The following DPP9 variants were observed in gnomAD, a reference collection of about 807,000 sequenced individuals.
DPP9 encodes the protein dipeptidyl peptidase 9, also known as dipeptidyl peptidase IV-related protein-2.
A neutral mutation model predicts 110.7 loss-of-function variants in DPP9; 50 were observed. The observed-to-expected ratio is 0.45, with a 90% CI of 0.36 to 0.57. The LOEUF is 0.57. Among genes scored for constraint, DPP9 ranks in the 20% least tolerant of loss-of-function variants. DPP9 has a pLI of 0.00. For missense variants in DPP9, 1,022 were observed against 1,217.9 expected (o/e 0.84, Z 2.39); for synonymous variants, 561 against 514.4 (o/e 1.09, Z -1.23).
rs773191891 is a variant in DPP9 at position 4,694,635 on chromosome 19, G to A, written c.1516+26C>T. ...CCACACGTGACTAACGCGATGAGTC[G>A]ACAGCATTCGTCAGGCTCTGCTCAC... On this transcript the variant is annotated intron_variant, in intron 13 of 21. Coordinates refer to ENST00000262960, the MANE Select transcript of DPP9 (RefSeq NM_139159.5). The surrounding 1 kb of genome is among the most constrained non-coding windows in gnomAD (Gnocchi z 4.0). The A allele has an allele frequency of 1.6e-5, 26 of 1,602,450 alleles. No homozygotes were observed. The African/African-American group carries it at 2.0e-4, about 12-fold the overall frequency.
In DPP9 at chr19:4,684,851, G is replaced by A; in HGVS notation, c.2032-42C>T. On this transcript the variant is annotated intron_variant, in intron 17 of 21. Coordinates refer to ENST00000262960, the MANE Select transcript of DPP9 (RefSeq NM_139159.5). This position sits in a 1 kb window ranked among gnomAD's most constrained non-coding sequence, Gnocchi z 4.8. The stretch of plus-strand genomic sequence containing the variant: ...GCCAGCAGTCCAGCACGAGATGCCG[G>A]GCAGGACGGGCCTGGCAGGGGAGAT... 1.9e-6 allele frequency: 3 copies of A among 1,565,172 alleles called. No individual in the cohort carries two copies. The highest frequency in any genetic ancestry group is 1.7e-6 in the Non-Finnish European group (2 of 1,155,686).
In DPP9 at chr19:4,694,095, A is replaced by T. The variant is rs2091573112; in HGVS notation, c.1516+566T>A. ...CATCACACCAGAGGCAGCACCTCTA[A>T]CTGTTTCTGGAATACTGCCTCCTCC... On this transcript the variant is annotated intron_variant, in intron 13 of 21. Transcript: ENST00000262960. This position sits in a 1 kb window ranked among gnomAD's most constrained non-coding sequence, Gnocchi z 4.0. Among the ~76,000 whole-genome samples the T allele has an allele frequency of 6.6e-6, 1 of 150,998 alleles. No individual in the cohort carries two copies. Among genetic ancestry groups the T allele is most frequent in the Non-Finnish European group, 1.5e-5 (1 of 67,270 alleles).
chr19:4,695,483 G>T lies in DPP9; in HGVS notation c.1248C>A (p.Ile416=). 6.3e-7 allele frequency: 1 copy of T among 1,575,320 alleles called. No individual in the cohort carries two copies. The change falls in exon 12 of 22, where the codon ATC becomes ATA. Residue 416 remains isoleucine, a synonymous_variant. Coordinates refer to ENST00000262960, the MANE Select transcript of DPP9 (RefSeq NM_139159.5). The surrounding 1 kb of genome is among the most constrained non-coding windows in gnomAD (Gnocchi z 4.7). Reference sequence around the variant, plus strand: ...GCTGCTCCTCATTCTCTGTGCTCGGGATGAACAGGGCCGGGGGGAGGAGGA... The same window carrying T: ...GCTGCTCCTCATTCTCTGTGCTCGGTATGAACAGGGCCGGGGGGAGGAGGA... The part of the protein sequence containing the change: ...QLVLLPPALF[I]PSTENEEQRL...
chr19:4,679,801 C>T, intron 21 of DPP9, 34 bp downstream of exon 21: 1 of 1,502,614 alleles, frequency 6.7e-7, no homozygotes. Context: ...TCTGTCGGCT[C>T]GCGGAGGGGC....
rs1282995290 is a variant in DPP9, at chr19:4,695,335, C to G, written c.1353+43G>C. On this transcript the variant is annotated intron_variant, in intron 12 of 21. Coordinates refer to ENST00000262960, the MANE Select transcript of DPP9 (RefSeq NM_139159.5). This position sits in a 1 kb window ranked among gnomAD's most constrained non-coding sequence, Gnocchi z 4.7. ...ACGTGGGGGTGGGGACAGTGTGACTCCAGGGCCCAGGCGGGCATACAGCCA... is the reference window on the plus strand; with the variant it reads ...ACGTGGGGGTGGGGACAGTGTGACTGCAGGGCCCAGGCGGGCATACAGCCA... The G allele has an allele frequency of 6.6e-7, 1 of 1,517,052 alleles. No homozygotes were observed. Among genetic ancestry groups the G allele is most frequent in the African/African-American group, 1.4e-5 (1 of 71,690 alleles). 94.0% of individuals were successfully genotyped at this position (1,517,052 alleles called of 1,614,324 possible).
chr19:4,698,454 TA>T lies in DPP9; in HGVS notation c.1075-804del, dbSNP rs145684126. On this transcript the variant is annotated intron_variant, in intron 10 of 21. Coordinates refer to ENST00000262960, the MANE Select transcript of DPP9 (RefSeq NM_139159.5). The surrounding 1 kb of genome is among the most constrained non-coding windows in gnomAD (Gnocchi z 4.2). ...CACGTCTGAGAGTGCAAGGAGCCAC[TA>T]AAACAGCCTGGCGGGGCCAGGTGCG... is the stretch of plus-strand genomic sequence containing the variant. Among the ~76,000 whole-genome samples, 9,655 of 152,214 alleles carry T rather than the reference TA, an allele frequency of 0.063. 529 individuals carry two copies. The highest frequency in any genetic ancestry group is 0.15 in the African/African-American group (6,031 of 41,520).
chr19:4,695,471 C>G lies in DPP9; in HGVS notation c.1260G>C (p.Glu420Asp). Residue 420 changes from glutamate to aspartate, a missense_variant, in exon 12 of 22, where the codon GAG becomes GAC. By Grantham distance (45) the Glu-to-Asp change is conservative. Coordinates refer to ENST00000262960, the MANE Select transcript of DPP9 (RefSeq NM_139159.5). This position sits in a 1 kb window ranked among gnomAD's most constrained non-coding sequence, Gnocchi z 4.7. ...CAGAGGCTAGCCGCTGCTCCTCATTCTCTGTGCTCGGGATGAACAGGGCCG... is the reference window on the plus strand; with the variant it reads ...CAGAGGCTAGCCGCTGCTCCTCATTGTCTGTGCTCGGGATGAACAGGGCCG... ...LPPALFIPST[E>D]NEEQRLASAR... 1 of 1,583,548 alleles carries G rather than the reference C, an allele frequency of 6.3e-7. No individual in the cohort carries two copies. The highest frequency in any genetic ancestry group is 1.8e-5 in the Admixed American group (1 of 56,212).
At chr19:4,705,728 A>T in intron 5 of DPP9, 130 bp downstream of exon 5, 1 of 816,092 alleles carries the variant, frequency 1.2e-6, no homozygotes, top group Non-Finnish European at 2.0e-6. Context: ...CAGAGTCCAC[A>T]GGACGGAGGG....
chr19:4,721,412 C>A (rs780713655), intron 2 of DPP9, among the ~76,000 whole-genome samples: 1 of 152,162 alleles, frequency 6.6e-6, no homozygotes, highest in Non-Finnish European at 1.5e-5. Flanking sequence ...CAAAGGGGCC[C>A]CTTGTTTGGT....
In DPP9 at chr19:4,682,710, C is replaced by T. The variant is rs2090077593; in HGVS notation, c.2460G>A (p.Glu820=). The part of the protein sequence containing the change: ...YEAGSVALHV[E]KLPNEPNRLL... The stretch of plus-strand genomic sequence containing the variant: ...AGTGGCCTTACTCATTGGGCAGCTT[C>T]TCCACGTGCAGGGCCACGGAACCCG... Residue 820 remains glutamate (E), a synonymous_variant, in exon 20 of 22, where the codon GAG becomes GAA. Transcript: ENST00000262960. The surrounding 1 kb of genome is among the most constrained non-coding windows in gnomAD (Gnocchi z 7.1). 4.3e-6 allele frequency: 7 copies of T among 1,609,904 alleles called. No individual in the cohort carries two copies. Among genetic ancestry groups the T allele is most frequent in the Non-Finnish European group, 5.9e-6 (7 of 1,178,488 alleles).
At chr19:4,683,288 C>T (rs916091950) in intron 19 of DPP9, 189 bp downstream of exon 19, 36 of 1,438,092 alleles carry the variant, frequency 2.5e-5, no homozygotes, top group Admixed American at 2.8e-5. Flanking sequence ...TCGGCGGTGG[C>T]GGGCAATGAG....
At chr19:4,709,008 C>T (rs1187209779) in intron 4 of DPP9, among the ~76,000 whole-genome samples, 1 of 152,234 alleles carries the variant, frequency 6.6e-6, no homozygotes, top group African/African-American at 2.4e-5. Context: ...ACCTCCACCT[C>T]CTGGGTTCAT....
Position 4,694,409 on chromosome 19 carries a change from C to T in DPP9, c.1516+252G>A. On this transcript the variant is annotated intron_variant, in intron 13 of 21. Transcript: ENST00000262960. The surrounding 1 kb of genome is among the most constrained non-coding windows in gnomAD (Gnocchi z 4.0). ...GACCTGTGGGCCGTAGGTGGCCAAC[C>T]CCTGGTTGTGCTAAGGGCCTGGCAC... 2 of 551,976 alleles carry T rather than the reference C, an allele frequency of 3.6e-6. No homozygotes were observed. Among genetic ancestry groups the T allele is most frequent in the Non-Finnish European group, 6.4e-6 (2 of 314,268 alleles). The allele number at this position is 551,976 out of a possible 1,614,324, so 34.2% of individuals were successfully genotyped here.
chr19:4,709,709 G>A (rs1336857511), intron 4 of DPP9, among the ~76,000 whole-genome samples: 2 of 152,098 alleles, frequency 1.3e-5, no homozygotes, highest in Admixed American at 1.3e-4. Flanking sequence ...GGTGATGGCT[G>A]CACAACTCTG....
In DPP9 at chr19:4,676,337, TC is replaced by T; in HGVS notation, c.*226del. The stretch of plus-strand genomic sequence containing the variant: ...AGGAGGGGCTGGCCCGAGACCACCA[TC>T]TCTCTGTCTCGGCAACCAAGAAGCA... On this transcript the variant is annotated 3_prime_UTR_variant, in exon 22 of 22. Coordinates refer to ENST00000262960, the MANE Select transcript of DPP9 (RefSeq NM_139159.5). This position sits in a 1 kb window ranked among gnomAD's most constrained non-coding sequence, Gnocchi z 4.0. 1 of 562,046 alleles carries T rather than the reference TC, an allele frequency of 1.8e-6. No individual in the cohort carries two copies. The highest frequency in any genetic ancestry group is 3.0e-5 in the Admixed American group (1 of 32,792). The allele number at this position is 562,046 out of a possible 1,614,324, so 34.8% of individuals were successfully genotyped here. A position where few individuals can be genotyped will look rare whatever the true frequency, so the allele number is the denominator to read the frequency against.
chr19:4,692,932 C>A (rs2091456680), intron 13 of DPP9, among the ~76,000 whole-genome samples: 1 of 152,188 alleles, frequency 6.6e-6, no homozygotes, highest in African/African-American at 2.4e-5. Context: ...CCCCGCCGGT[C>A]CGCATCATAC....
intron 7 of DPP9, 141 bp from the exon 8 acceptor site, chr19:4,702,857 G>GGAGAGGGAGC: frequency 4.4e-6 from 1 of 227,376 alleles, no homozygotes; most frequent in Non-Finnish European, 8.9e-6. Context: ...GGAGAGGGAG[G>GGAGAGGGAGC]GAGAGGGAGG....
At chr19:4,701,689 T>C (rs2092267469) in intron 9 of DPP9, among the ~76,000 whole-genome samples, 1 of 152,260 alleles carries the variant, frequency 6.6e-6, no homozygotes, top group South Asian at 2.1e-4. Flanking sequence ...GGCACATGGC[T>C]ACGCCCATTC....
chr19:4,707,614 CTTTTTTTT>C (rs906371157), intron 4 of DPP9, among the ~76,000 whole-genome samples: 28 of 78,432 alleles, frequency 3.6e-4, no homozygotes, highest in South Asian at 2.3e-3. Context: ...CTCATACTCG[CTTTTTTTT>C]TTTTTTTTTT....
Sources: gnomAD v4.1 joint callset for allele counts (sites outside exome capture counted in the v4.1 genomes callset) on GRCh38, gnomAD v4.1.1 for gene constraint, Gnocchi (gnomAD v3.1) non-coding constraint, MANE v1.5 for transcripts, NCBI Gene and HGNC (gene_info 2026-07-23, HGNC 2026-07-21) for gene names.